Variants in RNF150 observed in about 807,000 individuals in gnomAD.
The protein encoded by RNF150 is ring finger protein 150.
Under a neutral mutation model 39.3 loss-of-function variants are expected in RNF150, and 24 were observed. The ratio of observed to expected loss-of-function variants is 0.61; its 90% CI spans 0.44 to 0.86. RNF150 has a LOEUF of 0.86. Ranked by LOEUF, RNF150 falls within the 40% of genes least tolerant of loss-of-function variation. The pLI is 0.00. For missense variants in RNF150, 502 were observed against 587.8 expected (o/e 0.85, Z 1.51); for synonymous variants, 255 against 227.3 (o/e 1.12, Z -1.10).
chr4:141,110,304 T>C (rs747269660), intron 1 of RNF150, among the ~76,000 whole-genome samples: 3 of 152,126 alleles, frequency 2.0e-5, no homozygotes, highest in Non-Finnish European at 4.4e-5. Context: ...TCTTCCCACA[T>C]TTTCCCACCC....
intron 1 of RNF150, among the ~76,000 whole-genome samples, chr4:141,180,305 G>A (rs573741660): frequency 1.3e-5 from 2 of 152,154 alleles, no homozygotes; most frequent in African/African-American, 4.8e-5. Flanking sequence ...AGCTTACACC[G>A]CATTCCCTTC....
rs189155747 is a variant in RNF150, at chr4:141,115,781, T to C, written c.484+16544A>G. Among the ~76,000 whole-genome samples the C allele has an allele frequency of 3.1e-3, 477 of 152,272 alleles. 1 individual carries two copies. Among genetic ancestry groups the C allele is most frequent in the Admixed American group, 0.012 (181 of 15,294 alleles). On this transcript the variant is annotated intron_variant, in intron 1 of 6. Coordinates refer to ENST00000515673, the MANE Select transcript of RNF150 (RefSeq NM_020724.2). ...AGTAACCAAAACAGCATGGTACGGATACCAAAACAGATATATAGACCAATG... is the reference window on the plus strand; with the variant it reads ...AGTAACCAAAACAGCATGGTACGGACACCAAAACAGATATATAGACCAATG...
chr4:141,203,460 A>T (rs1305191789), intron 1 of RNF150, among the ~76,000 whole-genome samples: 1 of 151,800 alleles, frequency 6.6e-6, no homozygotes, highest in Admixed American at 6.6e-5. Context: ...ATAACAAAAA[A>T]TGTGGACTTT....
intron 1 of RNF150, among the ~76,000 whole-genome samples, chr4:141,042,357 T>C (rs1426634990): frequency 6.6e-6 from 1 of 152,102 alleles, no homozygotes; most frequent in Non-Finnish European, 1.5e-5. Flanking sequence ...CCAGGTCTCT[T>C]TGACATCAAA....
intron 1 of RNF150, among the ~76,000 whole-genome samples, chr4:141,028,277 G>C (rs1735798302): frequency 6.6e-6 from 1 of 152,120 alleles, no homozygotes; most frequent in African/African-American, 2.4e-5. Flanking sequence ...CAGAATCCTA[G>C]GTGATTAATC....
intron 1 of RNF150, among the ~76,000 whole-genome samples, chr4:140,996,555 T>A (rs1157115859): frequency 6.6e-6 from 1 of 152,208 alleles, no homozygotes; most frequent in African/African-American, 2.4e-5. Context: ...TGTGCTAGAA[T>A]CATAACTGCT....
At chr4:140,941,190 A>T (rs1032835617) in intron 4 of RNF150, among the ~76,000 whole-genome samples, 1 of 152,212 alleles carries the variant, frequency 6.6e-6, no homozygotes, top group Non-Finnish European at 1.5e-5. Context: ...AACAGAAAAA[A>T]TCCAGAACAG....
intron 1 of RNF150, among the ~76,000 whole-genome samples, chr4:141,030,713 A>C (rs1260105284): frequency 6.6e-6 from 1 of 152,212 alleles, no homozygotes; most frequent in Non-Finnish European, 1.5e-5. Context: ...AGTCACAAAA[A>C]GACAAATATG....
At chr4:140,965,771 G>A (rs2111417871) in intron 2 of RNF150, among the ~76,000 whole-genome samples, 1 of 152,166 alleles carries the variant, frequency 6.6e-6, no homozygotes, top group Admixed American at 6.6e-5. Flanking sequence ...GAGAGAAAAT[G>A]GGGAGATTTA....
intron 1 of RNF150, among the ~76,000 whole-genome samples, chr4:141,020,727 T>C (rs959643619): frequency 2.0e-5 from 3 of 152,192 alleles, no homozygotes; most frequent in African/African-American, 7.2e-5. Flanking sequence ...GTCAGGCTGA[T>C]GCTAGACCAT....
rs573935604 is a variant in RNF150, at chr4:140,863,492, G to T, written c.*4769C>A. The T allele has an allele frequency of 6.6e-6, 1 of 152,236 alleles. No homozygotes were observed. The highest frequency in any genetic ancestry group is 6.5e-5 in the Admixed American group (1 of 15,290). 9.4% of individuals were successfully genotyped at this position (152,236 alleles called of 1,614,324 possible). A position where few individuals can be genotyped will look rare whatever the true frequency, so the allele number is the denominator to read the frequency against. ...AAAAAGAGGAAAAACACCAACAACA[G>T]TAACAATGGTAATCACAATAATGAT... On this transcript the variant is annotated 3_prime_UTR_variant, in exon 7 of 7. Coordinates refer to ENST00000515673, the MANE Select transcript of RNF150 (RefSeq NM_020724.2).
chr4:141,173,317 T>C (rs1727760996), intron 1 of RNF150, among the ~76,000 whole-genome samples: 1 of 152,236 alleles, frequency 6.6e-6, no homozygotes, highest in Admixed American at 6.5e-5. Context: ...TATAAAGTTT[T>C]GATTATGCAT....
intron 1 of RNF150, among the ~76,000 whole-genome samples, chr4:141,190,966 C>A (rs1340754378): frequency 6.6e-6 from 1 of 152,164 alleles, no homozygotes; most frequent in Non-Finnish European, 1.5e-5. Context: ...AAGTATTCAG[C>A]CAATTTGAAG....
At chr4:140,950,827 G>A (rs778391100) in intron 2 of RNF150, among the ~76,000 whole-genome samples, 42 of 152,196 alleles carry the variant, frequency 2.8e-4, no homozygotes, top group African/African-American at 9.2e-4. Context: ...TTTGTCCTGC[G>A]TATCTAAAAT....
intron 1 of RNF150, among the ~76,000 whole-genome samples, chr4:140,999,972 GAAGAA>G (rs1560678562): frequency 0.017 from 508 of 29,830 alleles, 25 homozygotes; most frequent in South Asian, 0.048. Flanking sequence ...AGAAGAAGAA[GAAGAA>G]AAGAAGAAAA....
In RNF150 at chr4:140,949,382, C is replaced by A; in HGVS notation, c.736-10G>T. 3 of 1,611,038 alleles carry A rather than the reference C, an allele frequency of 1.9e-6. No individual in the cohort carries two copies. The highest frequency in any genetic ancestry group is 2.5e-6 in the Non-Finnish European group (3 of 1,177,844). On this transcript the variant is annotated splice_polypyrimidine_tract_variant and intron_variant, in intron 2 of 6. Transcript: ENST00000515673. ...CATCCCCCAGTCGGCGCTGAAAAGC[C>A]AAAACGTGCTTGTTAATAATAAAGA...
chr4:141,041,907 A>G (rs961355530), intron 1 of RNF150, among the ~76,000 whole-genome samples: 1 of 152,030 alleles, frequency 6.6e-6, no homozygotes, highest in Non-Finnish European at 1.5e-5. Flanking sequence ...AGGAAATGGC[A>G]GATGCTGGGA....
chr4:141,052,784 C>G (rs1018850521), intron 1 of RNF150, among the ~76,000 whole-genome samples: 1 of 152,180 alleles, frequency 6.6e-6, no homozygotes, highest in African/African-American at 2.4e-5. Flanking sequence ...AGATTCTACT[C>G]AGCTCTAGCA....
chr4:140,929,875 T>A (rs982104030), intron 4 of RNF150, among the ~76,000 whole-genome samples: 4 of 152,172 alleles, frequency 2.6e-5, no homozygotes, highest in African/African-American at 4.8e-5. Flanking sequence ...AGGTTTTGGC[T>A]GGGCATGGTG....
Sources: allele counts gnomAD v4.1 joint callset (sites outside exome capture counted in the v4.1 genomes callset), GRCh38; gene constraint gnomAD v4.1.1; transcripts MANE v1.5; gene names NCBI Gene and HGNC (gene_info 2026-07-23, HGNC 2026-07-21).